GIMAP2: variants seen among roughly 807,000 people sequenced by gnomAD.
The protein encoded by GIMAP2 is GTPase, IMAP family member 2, also known as GTPase IMAP family member 2.
In GIMAP2, 22 loss-of-function variants were observed where a neutral mutation model predicts 25.5. That is an observed-to-expected ratio of 0.86 (90% CI 0.62 to 1.23). The LOEUF is 1.23. Ranked by LOEUF, GIMAP2 falls within the 50% of genes most tolerant of loss-of-function variation. The pLI is 0.00. For synonymous variants in GIMAP2, 167 were observed against 143.0 expected (o/e 1.17, Z -1.20); for missense variants, 422 against 395.7 (o/e 1.07, Z -0.56).
At position 150,692,774 on chromosome 7, in the gene GIMAP2, C is replaced by T. The variant is rs1425855196; in HGVS notation, c.488C>T (p.Ser163Leu). 4 of 1,614,204 alleles carry T rather than the reference C, an allele frequency of 2.5e-6. No individual in the cohort carries two copies. In the East Asian group the frequency reaches 8.9e-5, roughly 36 times the overall value. The part of the protein sequence containing the change: ...GGSLMDYMHD[S>L]DNKALSKLVA... The stretch of plus-strand genomic sequence containing the variant: ...TCCCTGATGGATTACATGCACGACT[C>T]AGATAACAAAGCCCTAAGCAAGCTG... The change falls in exon 3 of 3, where the codon TCA (serine) becomes TTA (leucine). Residue 163 changes from serine (S) to leucine (L), a missense_variant. Transcript: ENST00000223293.
At chr7:150,689,087 G>A (rs191936946) in intron 2 of GIMAP2, among the ~76,000 whole-genome samples, 1 of 152,278 alleles carries the variant, frequency 6.6e-6, no homozygotes, top group African/African-American at 2.4e-5. Context: ...TGGTCTCCTA[G>A]GTGGCTCTAG....
At chr7:150,689,598 T>C (rs537566290) in intron 2 of GIMAP2, 2 of 698,294 alleles carry the variant, frequency 2.9e-6, no homozygotes, top group South Asian at 3.0e-5. Context: ...TGTAATGTAA[T>C]GCCTGCTTCC....
At chr7:150,687,207 T>C (rs901238510) in intron 2 of GIMAP2, 120 bp downstream of exon 2, 91 of 849,264 alleles carry the variant, frequency 1.1e-4, no homozygotes, top group Non-Finnish European at 1.6e-4. Flanking sequence ...AAGGATCTTA[T>C]TCTAACTCCC....
At chr7:150,691,218 C>T (rs1197796084) in intron 2 of GIMAP2, among the ~76,000 whole-genome samples, 1 of 152,242 alleles carries the variant, frequency 6.6e-6, no homozygotes, top group Non-Finnish European at 1.5e-5. Context: ...TACAAAGCTG[C>T]ATCTTGGTTC....
At chr7:150,690,488 G>T (rs936000974) in intron 2 of GIMAP2, among the ~76,000 whole-genome samples, 1 of 152,168 alleles carries the variant, frequency 6.6e-6, no homozygotes, top group Non-Finnish European at 1.5e-5. Context: ...TCATATCATT[G>T]CTAGGAGGAG....
intron 2 of GIMAP2, among the ~76,000 whole-genome samples, chr7:150,688,000 G>C (rs1796923389): frequency 6.6e-6 from 1 of 152,160 alleles, no homozygotes; most frequent in Non-Finnish European, 1.5e-5. Context: ...GTGAGAAATA[G>C]GAGGTCTCTG....
rs752987868 is a variant in GIMAP2 at position 150,687,058 on chromosome 7, C to G, written c.-2C>G. 6.2e-7 allele frequency: 1 copy of G among 1,607,762 alleles called. No homozygotes were observed. ...TTGTCTCTCTGTTTCTCAGGAACAC[C>G]AATGGACCAAAATGAACACAGTCAC... is the stretch of plus-strand genomic sequence containing the variant. On this transcript the variant is annotated 5_prime_UTR_variant, in exon 2 of 3. Transcript: ENST00000223293.
At chr7:150,691,971 A>T (rs943133893) in intron 2 of GIMAP2, among the ~76,000 whole-genome samples, 2 of 152,062 alleles carry the variant, frequency 1.3e-5, no homozygotes. Flanking sequence ...GGCTCACGCC[A>T]GTAATCCCAG....
chr7:150,689,633 T>C lies in GIMAP2; in HGVS notation c.28+2546T>C, dbSNP rs187625225. ...CTTTTAAGTACAAGTGTCCATTGCA[T>C]GTCTACTGTGAGGCCATAATTTCAC... On this transcript the variant is annotated intron_variant, in intron 2 of 2. Coordinates refer to ENST00000223293, the MANE Select transcript of GIMAP2 (RefSeq NM_015660.3). 4.7e-4 allele frequency: 316 copies of C among 677,796 alleles called. 3 individuals are homozygous for C. In the African/African-American group the frequency reaches 4.9e-3, roughly 11 times the overall value. 42.0% of individuals were successfully genotyped at this position (677,796 alleles called of 1,614,324 possible). A position where few individuals can be genotyped will look rare whatever the true frequency, so the allele number is the denominator to read the frequency against.
rs35656746 is a variant in GIMAP2 at position 150,687,105 on chromosome 7, CGTGTGTGTGTGTGTGTGT to C, written c.28+51_28+68del. 1.3e-3 allele frequency: 1,697 copies of C among 1,269,244 alleles called. 7 individuals carry two copies. The highest frequency in any genetic ancestry group is 2.2e-3 in the Admixed American group (117 of 52,778). 78.6% of individuals were successfully genotyped at this position (1,269,244 alleles called of 1,614,324 possible). A position where few individuals can be genotyped will look rare whatever the true frequency, so the allele number is the denominator to read the frequency against. ...TCACTGGGGTAAGAAGGTGACTTCA[CGTGTGTGTGTGTGTGTGT>C]GTGTGTGTGTGTGTGTGTGTGTGTG... On this transcript the variant is annotated intron_variant, in intron 2 of 2. Transcript: ENST00000223293.
rs749080530 is a variant in GIMAP2 at position 150,692,612 on chromosome 7, T to G, written c.326T>G (p.Leu109Arg). 6 of 1,614,030 alleles carry G rather than the reference T, an allele frequency of 3.7e-6. No individual in the cohort carries two copies. The highest frequency in any genetic ancestry group is 5.1e-6 in the Non-Finnish European group (6 of 1,179,868). Residue 109 changes from leucine (L) to arginine (R), a missense_variant, in exon 3 of 3, where the codon CTG (leucine) becomes CGG (arginine). Physicochemically the swap from Leu to Arg is moderately radical, Grantham distance 102. Coordinates refer to ENST00000223293, the MANE Select transcript of GIMAP2 (RefSeq NM_015660.3). ...YLLSAPGPHV[L>R]LLVTQLGRYT... The stretch of plus-strand genomic sequence containing the variant: ...CTGTCTGCACCAGGACCCCATGTGC[T>G]GCTCCTGGTGACTCAGCTGGGCCGC...
intron 1 of GIMAP2, 103 bp from the exon 2 acceptor site, chr7:150,686,949 A>AC: frequency 2.7e-6 from 2 of 743,474 alleles, no homozygotes; most frequent in Non-Finnish European, 4.2e-6. Flanking sequence ...GTCTCAAAAA[A>AC]AAAAAAAAAA....
chr7:150,685,944 G>A (rs1207832820), intron 1 of GIMAP2, among the ~76,000 whole-genome samples, 159 bp downstream of exon 1: 3 of 152,182 alleles, frequency 2.0e-5, no homozygotes, highest in Admixed American at 6.5e-5. Flanking sequence ...ACAGGAAACC[G>A]ATGTAATTTA....
At chr7:150,687,262 C>CTTTGTTTGTTTGTTTG (rs146938233) in intron 2 of GIMAP2, 175 bp downstream of exon 2, 35,087 of 554,552 alleles carry the variant, frequency 0.063, 1,624 homozygotes, top group East Asian at 0.17. Flanking sequence ...GTTTTGTTTT[C>CTTTGTTTGTTTGTTTG]TTTGTTTGTT....
rs1381540383 is a variant in GIMAP2 at position 150,693,277 on chromosome 7, G to A, written c.991G>A (p.Glu331Lys). Residue 331 changes from glutamate to lysine, a missense_variant, in exon 3 of 3, where the codon GAA becomes AAA. Coordinates refer to ENST00000223293, the MANE Select transcript of GIMAP2 (RefSeq NM_015660.3). ...ATTTTTGAGAACAGTTATTAGACTA[G>A]AACGCAAGACTCCTAGGTTATAGTT... ...MIFLRTVIRL[E>K]RKTPRL 6.3e-7 allele frequency: 1 copy of A among 1,581,986 alleles called. No homozygotes were observed. The highest frequency in any genetic ancestry group is 1.1e-5 in the South Asian group (1 of 87,726).
At chr7:150,686,369 A>C (rs890635731) in intron 1 of GIMAP2, among the ~76,000 whole-genome samples, 4 of 152,114 alleles carry the variant, frequency 2.6e-5, no homozygotes, top group African/African-American at 7.2e-5. Context: ...AAGAGAGGGA[A>C]AGGGAGGACT....
At chr7:150,689,463 G>A in intron 2 of GIMAP2, 1 of 701,934 alleles carries the variant, frequency 1.4e-6, no homozygotes. Flanking sequence ...TCTCTTCAAT[G>A]ACTCCCTTCA....
chr7:150,687,262 CTTTG>C (rs146938233), intron 2 of GIMAP2, 175 bp downstream of exon 2: 7,329 of 553,354 alleles, frequency 0.013, 346 homozygotes, highest in South Asian at 0.11. Flanking sequence ...GTTTTGTTTT[CTTTG>C]TTTGTTTGTT....
chr7:150,689,541 C>T (rs978317638), intron 2 of GIMAP2: 41 of 702,838 alleles, frequency 5.8e-5, no homozygotes, highest in Admixed American at 1.2e-4. Flanking sequence ...AGCTCCAGCG[C>T]GGTGTATCAG....
Sources: gnomAD v4.1 joint callset for allele counts (sites outside exome capture counted in the v4.1 genomes callset) on GRCh38, gnomAD v4.1.1 for gene constraint, MANE v1.5 for transcripts, NCBI Gene and HGNC (gene_info 2026-07-23, HGNC 2026-07-21) for gene names.